PRMT8: variants seen among roughly 807,000 people sequenced by gnomAD.
PRMT8 encodes protein arginine methyltransferase 8, also known as protein arginine N-methyltransferase 8.
Under a neutral mutation model 47.1 loss-of-function variants are expected in PRMT8, and 7 were observed. The observed-to-expected ratio is 0.15, with a 90% CI of 0.08 to 0.28. The LOEUF is 0.28. Among genes scored for constraint, PRMT8 ranks in the 10% least tolerant of loss-of-function variants. PRMT8 has a pLI of 1.00. For missense variants in PRMT8, 237 were observed against 505.4 expected (o/e 0.47, Z 5.09); for synonymous variants, 188 against 186.5 (o/e 1.01, Z -0.07).
At chr12:3,494,366 T>G (rs1865472158) in intron 1 of PRMT8, among the ~76,000 whole-genome samples, 1 of 152,202 alleles carries the variant, frequency 6.6e-6, no homozygotes, top group Non-Finnish European at 1.5e-5. Flanking sequence ...AAGCAAAGAT[T>G]AGTATTCATT....
At chr12:3,405,173 A>T (rs950917768) in intron 1 of PRMT8, among the ~76,000 whole-genome samples, 8 of 152,194 alleles carry the variant, frequency 5.3e-5, no homozygotes, top group Admixed American at 4.6e-4. Flanking sequence ...CCTTCTTCAC[A>T]TGGTTGCAGG....
At chr12:3,398,109 C>A (rs918063612) in intron 1 of PRMT8, among the ~76,000 whole-genome samples, 1 of 152,214 alleles carries the variant, frequency 6.6e-6, no homozygotes, top group African/African-American at 2.4e-5. Flanking sequence ...CACTGTCTGG[C>A]ACTCCCTAGT....
intron 1 of PRMT8, among the ~76,000 whole-genome samples, chr12:3,411,817 G>A (rs1228040441): frequency 1.3e-5 from 2 of 152,202 alleles, no homozygotes; most frequent in Non-Finnish European, 2.9e-5. Flanking sequence ...CACACACAAG[G>A]TGCCAGAACC....
Position 3,514,677 on chromosome 12 carries a change from C to T in PRMT8, c.75+22977C>T, listed in dbSNP as rs561904180. ...TTTCCGGCTGGGTTCTGCCTGTGGGCGACAGGAGCACCAGTGGGAGGGCAA... is the reference window on the plus strand; with the variant it reads ...TTTCCGGCTGGGTTCTGCCTGTGGGTGACAGGAGCACCAGTGGGAGGGCAA... On this transcript the variant is annotated intron_variant, in intron 1 of 9. Coordinates refer to ENST00000382622, the MANE Select transcript of PRMT8 (RefSeq NM_019854.5). This position sits in a 1 kb window ranked among gnomAD's most constrained non-coding sequence, Gnocchi z 5.9. Among the ~76,000 whole-genome samples, 9 of 150,434 alleles carry T rather than the reference C, an allele frequency of 6.0e-5. No individual in the cohort carries two copies. The highest frequency in any genetic ancestry group is 2.1e-4 in the South Asian group (1 of 4,716).
At chr12:3,381,375 T>C in exon 1 of PRMT8, 2 of 1,536,014 alleles carry the variant, frequency 1.3e-6, no homozygotes, top group Non-Finnish European at 1.7e-6. Context: ...GGCTTGCTGT[T>C]TGAATGTGTG....
intron 4 of PRMT8, among the ~76,000 whole-genome samples, chr12:3,556,057 G>A (rs1390363847): frequency 6.6e-6 from 1 of 152,126 alleles, no homozygotes; most frequent in East Asian, 1.9e-4. Context: ...TACTCATGGG[G>A]GTGGCAGGAG....
chr12:3,472,065 G>A (rs367965056), intron 1 of PRMT8, among the ~76,000 whole-genome samples: 5 of 152,170 alleles, frequency 3.3e-5, no homozygotes, highest in Admixed American at 2.0e-4. Flanking sequence ...TACAGAGTGC[G>A]TGGGCGGGGA....
At chr12:3,499,127 A>G (rs1865551775) in intron 1 of PRMT8, among the ~76,000 whole-genome samples, 1 of 151,798 alleles carries the variant, frequency 6.6e-6, no homozygotes, top group South Asian at 2.1e-4. Flanking sequence ...ACTTCATCTT[A>G]ACTTGATAAC....
chr12:3,425,434 T>G (rs1206628490), intron 1 of PRMT8, among the ~76,000 whole-genome samples: 3 of 152,262 alleles, frequency 2.0e-5, no homozygotes, highest in African/African-American at 7.2e-5. Flanking sequence ...CAGTCTGGAT[T>G]AAAACTCTAA....
Position 3,493,890 on chromosome 12 carries a change from T to C in PRMT8, c.75+2190T>C, listed in dbSNP as rs1415886408. ...GCTCCTTGGAGGGGTGTGAGCCAGG[T>C]TGGCGGATCGGTTCTTAGCAACTTC... On this transcript the variant is annotated intron_variant, in intron 1 of 9. Coordinates refer to ENST00000382622, the MANE Select transcript of PRMT8 (RefSeq NM_019854.5). The surrounding 1 kb of genome is among the most constrained non-coding windows in gnomAD (Gnocchi z 8.2). Among the ~76,000 whole-genome samples, 1 of 152,100 alleles carries C rather than the reference T, an allele frequency of 6.6e-6. No individual in the cohort carries two copies. Among genetic ancestry groups the C allele is most frequent in the Non-Finnish European group, 1.5e-5 (1 of 68,014 alleles).
chr12:3,472,514 T>C (rs1865171158), intron 1 of PRMT8, among the ~76,000 whole-genome samples: 1 of 152,208 alleles, frequency 6.6e-6, no homozygotes. Flanking sequence ...TGTGTGACAT[T>C]GGGACAAGTT....
At chr12:3,495,647 G>A (rs910072096) in intron 1 of PRMT8, among the ~76,000 whole-genome samples, 7 of 152,102 alleles carry the variant, frequency 4.6e-5, no homozygotes, top group African/African-American at 1.7e-4. Context: ...CTATTTATAT[G>A]TCTATTAGAT....
At chr12:3,389,365 A>C (rs1007862201) in intron 1 of PRMT8, among the ~76,000 whole-genome samples, 1 of 152,068 alleles carries the variant, frequency 6.6e-6, no homozygotes, top group African/African-American at 2.4e-5. Flanking sequence ...CTAAGGTTAC[A>C]TTCTCGTCCA....
chr12:3,526,104 G>A (rs993805818), intron 1 of PRMT8, among the ~76,000 whole-genome samples: 2 of 151,994 alleles, frequency 1.3e-5, no homozygotes, highest in African/African-American at 2.4e-5. Flanking sequence ...ACCTTTTATA[G>A]GTATAGTCTT....
chr12:3,588,809 T>C (rs1867236397), intron 8 of PRMT8, among the ~76,000 whole-genome samples: 1 of 152,162 alleles, frequency 6.6e-6, no homozygotes, highest in Non-Finnish European at 1.5e-5. Context: ...GCCAGAATGC[T>C]AAGAGCAGGG....
chr12:3,439,669 C>T (rs909421051), intron 1 of PRMT8, among the ~76,000 whole-genome samples: 2 of 152,124 alleles, frequency 1.3e-5, no homozygotes, highest in Admixed American at 6.5e-5. Flanking sequence ...CCATTCACAG[C>T]AACTGCTGTT....
Position 3,564,383 on chromosome 12 carries a change from G to A in PRMT8, c.482-4323G>A, listed in dbSNP as rs1188454667. Among the ~76,000 whole-genome samples the A allele has an allele frequency of 1.3e-5, 2 of 152,166 alleles. No homozygotes were observed. The highest frequency in any genetic ancestry group is 4.8e-5 in the African/African-American group (2 of 41,442). Reference sequence around the variant, plus strand: ...GCACTGGAGGCTCAAATGAGGTTGAGCTGGCCTGATTTGTTTAAAAACAAA... The same window carrying A: ...GCACTGGAGGCTCAAATGAGGTTGAACTGGCCTGATTTGTTTAAAAACAAA... On this transcript the variant is annotated intron_variant, in intron 4 of 9. Transcript: ENST00000382622. This position sits in a 1 kb window ranked among gnomAD's most constrained non-coding sequence, Gnocchi z 4.0.
chr12:3,431,067 A>C (rs1864671028), intron 1 of PRMT8, among the ~76,000 whole-genome samples: 1 of 152,206 alleles, frequency 6.6e-6, no homozygotes, highest in Non-Finnish European at 1.5e-5. Flanking sequence ...GAGACAAGGA[A>C]TATCCATATC....
chr12:3,581,141 G>A (rs369757447), intron 7 of PRMT8, among the ~76,000 whole-genome samples: 1 of 152,214 alleles, frequency 6.6e-6, no homozygotes, highest in East Asian at 1.9e-4. Context: ...ATGGAAGGAC[G>A]TGGAGGACCT....
Sources: allele counts gnomAD v4.1 joint callset (sites outside exome capture counted in the v4.1 genomes callset), GRCh38; gene constraint gnomAD v4.1.1; non-coding constraint Gnocchi (gnomAD v3.1); transcripts MANE v1.5; gene names NCBI Gene and HGNC (gene_info 2026-07-23, HGNC 2026-07-21).